Variants in CSGALNACT1 observed in about 807,000 individuals in gnomAD.
CSGALNACT1 encodes chondroitin sulfate N-acetylgalactosaminyltransferase 1, also known as beta4GalNAcT-1.
A neutral mutation model predicts 51.0 loss-of-function variants in CSGALNACT1; 52 were observed. The ratio of observed to expected loss-of-function variants is 1.02; its 90% CI spans 0.82 to 1.29. The LOEUF (loss-of-function observed/expected upper bound fraction) is 1.29, where lower values mean the gene tolerates loss of function less well. Among genes scored for constraint, CSGALNACT1 ranks in the 50% most tolerant of loss-of-function variants. CSGALNACT1 has a pLI of 0.00. For synonymous variants in CSGALNACT1, 341 were observed against 254.4 expected (o/e 1.34, Z -3.24); for missense variants, 935 against 679.2 (o/e 1.38, Z -4.19).
intron 4 of CSGALNACT1, among the ~76,000 whole-genome samples, chr8:19,475,796 T>A (rs928414645): frequency 6.6e-6 from 1 of 152,124 alleles, no homozygotes; most frequent in Admixed American, 6.5e-5. Context: ...AGTCATAGAG[T>A]GACAGCTCAG....
chr8:19,706,742 G>A (rs1056361376), intron 1 of CSGALNACT1, among the ~76,000 whole-genome samples: 1 of 152,090 alleles, frequency 6.6e-6, no homozygotes, highest in Non-Finnish European at 1.5e-5. Flanking sequence ...TCCTCACCAA[G>A]CCTCCCTAGT....
chr8:19,641,474 C>G (rs540148372), intron 1 of CSGALNACT1, among the ~76,000 whole-genome samples: 3 of 152,232 alleles, frequency 2.0e-5, no homozygotes, highest in Non-Finnish European at 4.4e-5. Flanking sequence ...TTTATCTGGA[C>G]AGCTGCAACC....
intron 1 of CSGALNACT1, among the ~76,000 whole-genome samples, chr8:19,667,008 AAAGAAAGAAAGGAAGGAAGGAAGG>A (rs2059375133): frequency 3.2e-5 from 1 of 31,464 alleles, no homozygotes; most frequent in Admixed American, 3.3e-4. Flanking sequence ...AGAAAGAAAG[AAAGAAAGAAAGGAAGGAAGGAAGG>A]AAGGAAGGAA....
intron 1 of CSGALNACT1, among the ~76,000 whole-genome samples, chr8:19,744,482 G>C (rs891943800): frequency 1.3e-5 from 2 of 152,162 alleles, no homozygotes; most frequent in African/African-American, 4.8e-5. Flanking sequence ...TAGGTAATTA[G>C]TCCTCCTTTT....
chr8:19,572,199 T>C (rs4922063), intron 3 of CSGALNACT1, among the ~76,000 whole-genome samples: 77,043 of 151,878 alleles, frequency 0.51, 21,231 homozygotes, highest in African/African-American at 0.74. Context: ...TTCCATCTCC[T>C]CAACCTGTAA....
chr8:19,485,366 T>A (rs1361892199), intron 4 of CSGALNACT1, among the ~76,000 whole-genome samples: 2 of 152,100 alleles, frequency 1.3e-5, no homozygotes, highest in African/African-American at 2.4e-5. Context: ...TAGGCACTTC[T>A]AACCCCCTCC....
At chr8:19,594,675 T>C (rs907943508) in intron 2 of CSGALNACT1, among the ~76,000 whole-genome samples, 5 of 151,792 alleles carry the variant, frequency 3.3e-5, no homozygotes, top group African/African-American at 1.2e-4. Context: ...TCCCAAGTAG[T>C]TGGGATTACA....
chr8:19,742,345 G>A (rs893981970), intron 1 of CSGALNACT1, among the ~76,000 whole-genome samples: 6 of 152,208 alleles, frequency 3.9e-5, no homozygotes, highest in African/African-American at 4.8e-5. Context: ...TCAAGTTGCC[G>A]TGACAGTTAC....
chr8:19,738,956 C>T (rs1402115448), intron 1 of CSGALNACT1, among the ~76,000 whole-genome samples: 1 of 152,030 alleles, frequency 6.6e-6, no homozygotes, highest in Non-Finnish European at 1.5e-5. Flanking sequence ...CAATCAAATG[C>T]AATGTGAGGC....
intron 5 of CSGALNACT1, among the ~76,000 whole-genome samples, chr8:19,451,949 G>A (rs2063254547): frequency 6.6e-6 from 1 of 152,188 alleles, no homozygotes; most frequent in Admixed American, 6.5e-5. Flanking sequence ...AGAGCAAAGG[G>A]TGTTGATATT....
At chr8:19,745,345 C>G (rs905311096) in intron 1 of CSGALNACT1, among the ~76,000 whole-genome samples, 2 of 152,160 alleles carry the variant, frequency 1.3e-5, no homozygotes, top group Admixed American at 6.5e-5. Context: ...TACAATCCCA[C>G]TTTTGATACA....
intron 6 of CSGALNACT1, among the ~76,000 whole-genome samples, chr8:19,428,606 A>C (rs957492977): frequency 2.0e-5 from 3 of 152,158 alleles, no homozygotes; most frequent in African/African-American, 4.8e-5. Flanking sequence ...CTTTCCTCAA[A>C]AAGCCTGGGT....
At chr8:19,419,598 G>A (rs17479085) in intron 7 of CSGALNACT1, among the ~76,000 whole-genome samples, 15,942 of 152,190 alleles carry the variant, frequency 0.1, 1,062 homozygotes, top group Admixed American at 0.18. Flanking sequence ...TTCTTTGTGC[G>A]AATAGCTCTT....
chr8:19,666,687 G>A (rs1377239201), intron 1 of CSGALNACT1, among the ~76,000 whole-genome samples: 2 of 149,104 alleles, frequency 1.3e-5, no homozygotes, highest in Non-Finnish European at 3.0e-5. Context: ...GACAAACCAA[G>A]ACTGTCCCGG....
At chr8:19,518,135 T>C (rs2079922784) in intron 3 of CSGALNACT1, among the ~76,000 whole-genome samples, 1 of 152,188 alleles carries the variant, frequency 6.6e-6, no homozygotes. Context: ...CCCAGCCAAG[T>C]ACTTTCTGAT....
At chr8:19,541,798 C>T (rs150675738) in intron 3 of CSGALNACT1, among the ~76,000 whole-genome samples, 31 of 152,008 alleles carry the variant, frequency 2.0e-4, no homozygotes, top group Middle Eastern at 3.4e-3. Flanking sequence ...TGTAATAAAA[C>T]ATGTAATTCT....
chr8:19,688,769 T>A (rs2154213622), intron 1 of CSGALNACT1: 1 of 152,444 alleles, frequency 6.6e-6, no homozygotes, highest in Non-Finnish European at 1.5e-5. Context: ...TTCCAGATCA[T>A]CATCTCCCAG....
At chr8:19,423,965 A>G (rs2058374190) in intron 6 of CSGALNACT1, among the ~76,000 whole-genome samples, 1 of 152,290 alleles carries the variant, frequency 6.6e-6, no homozygotes, top group Admixed American at 6.5e-5. Flanking sequence ...CGGCGCACAC[A>G]CACACAGCAC....
At chr8:19,504,635 T>C (rs1326578245) in intron 4 of CSGALNACT1, among the ~76,000 whole-genome samples, 1 of 152,198 alleles carries the variant, frequency 6.6e-6, no homozygotes, top group Non-Finnish European at 1.5e-5. Flanking sequence ...ATCTGTATGA[T>C]ATAATGTAGA....
Sources: gnomAD v4.1 joint callset for allele counts (sites outside exome capture counted in the v4.1 genomes callset) on GRCh38, gnomAD v4.1.1 for gene constraint, MANE v1.5 for transcripts, NCBI Gene and HGNC (gene_info 2026-07-23, HGNC 2026-07-21) for gene names.